Variants in POLB observed in about 807,000 individuals in gnomAD.
POLB encodes the protein 5'-dRP lyase.
In POLB, 37 loss-of-function variants were observed where a neutral mutation model predicts 52.7. The ratio of observed to expected loss-of-function variants is 0.70; its 90% CI spans 0.54 to 0.92. POLB has a LOEUF of 0.92. Among genes scored for constraint, POLB ranks in the 40% least tolerant of loss-of-function variants. POLB has a pLI of 0.00. For synonymous variants in POLB, 138 were observed against 131.3 expected (o/e 1.05, Z -0.35); for missense variants, 313 against 400.8 (o/e 0.78, Z 1.87).
intron 4 of POLB, 132 bp from the exon 5 acceptor site, chr8:42,349,865 CTTGTGAATAA>C: frequency 1.6e-6 from 1 of 644,372 alleles, no homozygotes; most frequent in East Asian, 2.7e-5. Flanking sequence ...CCTTAGGTTA[CTTGTGAATAA>C]TTTTGTGTGG....
rs1388110692 is a variant in POLB at position 42,369,351 on chromosome 8, T to C, written c.773+16T>C. 2.0e-5 allele frequency: 30 copies of C among 1,493,882 alleles called. No homozygotes were observed. Among genetic ancestry groups the C allele is most frequent in the Non-Finnish European group, 2.2e-5 (24 of 1,076,294 alleles). The allele number at this position is 1,493,882 out of a possible 1,614,324, so 92.5% of individuals were successfully genotyped here. A position where few individuals can be genotyped will look rare whatever the true frequency, so the allele number is the denominator to read the frequency against. On this transcript the variant is annotated intron_variant, in intron 12 of 13. Coordinates refer to ENST00000265421, the MANE Select transcript of POLB (RefSeq NM_002690.3). Reference sequence around the variant, plus strand: ...TTGATATCAGGTATTGTTCAGACTTTGTTGCTGACCTGTTAACTTTTCCAA... The same window carrying C: ...TTGATATCAGGTATTGTTCAGACTTCGTTGCTGACCTGTTAACTTTTCCAA...
intron 3 of POLB, among the ~76,000 whole-genome samples, chr8:42,348,257 TA>T (rs966459814): frequency 6.6e-6 from 1 of 152,062 alleles, no homozygotes; most frequent in Non-Finnish European, 1.5e-5. Flanking sequence ...TCACTAGGGA[TA>T]AAAAAATGAA....
At chr8:42,343,915 G>GGTCAGGAGT (rs1346452404) in intron 2 of POLB, among the ~76,000 whole-genome samples, 1 of 152,080 alleles carries the variant, frequency 6.6e-6, no homozygotes, top group Admixed American at 6.5e-5. Flanking sequence ...CAGATCACAA[G>GGTCAGGAGT]GTCAGGAGTT....
intron 13 of POLB, chr8:42,370,259 G>GTTTTTT (rs34271342): frequency 6.1e-4 from 176 of 290,482 alleles, no homozygotes; most frequent in Admixed American, 8.5e-4. Context: ...ATCTAAAAGG[G>GTTTTTT]TTTTTTTTTT....
At chr8:42,365,467 A>C (rs184291172) in intron 11 of POLB, among the ~76,000 whole-genome samples, 1 of 152,230 alleles carries the variant, frequency 6.6e-6, no homozygotes, top group Non-Finnish European at 1.5e-5. Context: ...ATGTGCATGA[A>C]TCTTACATTT....
chr8:42,342,341 A>G, intron 2 of POLB: 1 of 1,509,614 alleles, frequency 6.6e-7, no homozygotes, highest in Non-Finnish European at 9.1e-7. Context: ...CCAGTACAAT[A>G]TGTTGCAGCA....
intron 9 of POLB, 38 bp downstream of exon 9, chr8:42,357,430 A>T: frequency 8.9e-7 from 1 of 1,124,670 alleles, no homozygotes. Context: ...TTTTGCCCTG[A>T]TGTTAAAATT....
intron 10 of POLB, among the ~76,000 whole-genome samples, chr8:42,361,995 G>A (rs1369956636): frequency 6.6e-6 from 1 of 152,196 alleles, no homozygotes; most frequent in Non-Finnish European, 1.5e-5. Flanking sequence ...GGGCACGGTG[G>A]CTCATGCCTG....
At chr8:42,359,405 A>C (rs1823533327) in intron 9 of POLB, among the ~76,000 whole-genome samples, 1 of 151,500 alleles carries the variant, frequency 6.6e-6, no homozygotes. Flanking sequence ...CCCAGGCTGG[A>C]GTGTAGTGGC....
At chr8:42,345,391 A>T (rs1027871375) in intron 3 of POLB, among the ~76,000 whole-genome samples, 1 of 152,124 alleles carries the variant, frequency 6.6e-6, no homozygotes, top group Non-Finnish European at 1.5e-5. Context: ...GTAGGAACCT[A>T]TGTGAGTTAG....
Position 42,362,703 on chromosome 8 carries a change from G to A in POLB, c.708+5G>A. 6.4e-7 allele frequency: 1 copy of A among 1,551,786 alleles called. No homozygotes were observed. The highest frequency in any genetic ancestry group is 8.9e-7 in the Non-Finnish European group (1 of 1,124,624). On this transcript the variant is annotated splice_donor_5th_base_variant and intron_variant, in intron 11 of 13. Transcript: ENST00000265421. Reference sequence around the variant, plus strand: ...AAGGGTGAGACAAAGTTCATGGTAAGTACTTGTTAGAGTTAGCACATCTAA... The same window carrying A: ...AAGGGTGAGACAAAGTTCATGGTAAATACTTGTTAGAGTTAGCACATCTAA...
At chr8:42,350,091 C>T (rs1293223512) in intron 5 of POLB, 26 bp downstream of exon 5, 1 of 1,467,980 alleles carries the variant, frequency 6.8e-7, no homozygotes, top group Admixed American at 1.7e-5. Flanking sequence ...TAAGCAGACA[C>T]AATCGTCAGT....
intron 5 of POLB, among the ~76,000 whole-genome samples, chr8:42,351,023 C>T (rs907165230): frequency 1.3e-4 from 19 of 151,978 alleles, no homozygotes; most frequent in Admixed American, 1.1e-3. Flanking sequence ...TACAGGCTTG[C>T]GCAACCATGT....
intron 9 of POLB, among the ~76,000 whole-genome samples, chr8:42,360,533 A>G (rs1823609067): frequency 6.6e-6 from 1 of 152,198 alleles, no homozygotes; most frequent in Non-Finnish European, 1.5e-5. Flanking sequence ...GTTTACATAT[A>G]AGAAAACTGA....
intron 9 of POLB, among the ~76,000 whole-genome samples, chr8:42,358,398 C>G (rs1002036793): frequency 1.3e-5 from 2 of 151,646 alleles, no homozygotes; most frequent in African/African-American, 4.8e-5. Context: ...GCTCCTCGGG[C>G]GGCTGAGGCA....
At chr8:42,348,720 A>G (rs1023480793) in intron 3 of POLB, among the ~76,000 whole-genome samples, 3 of 152,242 alleles carry the variant, frequency 2.0e-5, no homozygotes, top group African/African-American at 7.2e-5. Context: ...CCTGTAGGGT[A>G]TTTGCTAATT....
chr8:42,359,167 C>G (rs1017736285), intron 9 of POLB, among the ~76,000 whole-genome samples: 5 of 152,180 alleles, frequency 3.3e-5, no homozygotes, highest in African/African-American at 1.2e-4. Context: ...TTAAGAACCA[C>G]TTCCCTATGG....
chr8:42,338,688 T>A lies in POLB; in HGVS notation c.61+3T>A, dbSNP rs1043536555. On this transcript the variant is annotated splice_donor_region_variant and intron_variant, in intron 1 of 13. Coordinates refer to ENST00000265421, the MANE Select transcript of POLB (RefSeq NM_002690.3). ...GGGAATCACCGACATGCTCACAGGT[T>A]AGCACCGGGCCGGGCCCCGCTGGCT... 2 of 1,613,708 alleles carry A rather than the reference T, an allele frequency of 1.2e-6. No homozygotes were observed. Among genetic ancestry groups the A allele is most frequent in the Admixed American group, 1.7e-5 (1 of 60,020 alleles).
chr8:42,340,644 T>G (rs1822143140), intron 2 of POLB, among the ~76,000 whole-genome samples: 1 of 152,248 alleles, frequency 6.6e-6, no homozygotes, highest in African/African-American at 2.4e-5. Context: ...TTGCCATTCT[T>G]GACTTTGAAA....
Sources: gnomAD v4.1 joint callset for allele counts (sites outside exome capture counted in the v4.1 genomes callset) on GRCh38, gnomAD v4.1.1 for gene constraint, MANE v1.5 for transcripts, NCBI Gene and HGNC (gene_info 2026-07-23, HGNC 2026-07-21) for gene names.